Variants in C2CD3 observed in about 807,000 individuals in gnomAD.
The protein encoded by C2CD3 is C2 domain containing 3 centriole elongation regulator.
A neutral mutation model predicts 234.0 loss-of-function variants in C2CD3; 148 were observed. That is an observed-to-expected ratio of 0.63 (90% CI 0.55 to 0.72). The LOEUF (loss-of-function observed/expected upper bound fraction) is 0.72. Among genes scored for constraint, C2CD3 ranks in the 30% least tolerant of loss-of-function variants. The pLI is 0.00. For synonymous variants in C2CD3, 1,000 were observed against 1,035.4 expected, an observed-to-expected ratio of 0.97 and a Z score of 0.66; for missense variants, 2,577 against 2,811.5, an observed-to-expected ratio of 0.92 and a Z score of 1.89.
intron 24 of C2CD3, among the ~76,000 whole-genome samples, chr11:74,071,216 C>T (rs1214363395): frequency 1.3e-5 from 2 of 152,196 alleles, no homozygotes; most frequent in Non-Finnish European, 1.5e-5. Context: ...TGAGACATAA[C>T]GCCTCTCACA....
intron 3 of C2CD3, among the ~76,000 whole-genome samples, chr11:74,142,551 T>C (rs941983634): frequency 1.4e-4 from 22 of 152,046 alleles, no homozygotes; most frequent in Non-Finnish European, 2.5e-4. Flanking sequence ...CTAGGTGGTA[T>C]GGGAATGCTA....
Position 74,039,807 on chromosome 11 carries a change from G to A in C2CD3, c.5661-2109C>T, listed in dbSNP as rs538475418. Among the ~76,000 whole-genome samples the A allele has an allele frequency of 2.0e-5, 3 of 152,292 alleles. No homozygotes were observed. The South Asian group carries it at 6.2e-4, about 32-fold the overall frequency. ...AATATCTGACCAGAATGTCAATAGT[G>A]CCAAAGTTGAGAGAAACTACTCGAA... On this transcript the variant is annotated intron_variant, in intron 29 of 32. Coordinates refer to ENST00000334126, the MANE Select transcript of C2CD3 (RefSeq NM_001286577.2).
At chr11:74,101,836 A>G (rs1035476752) in intron 14 of C2CD3, among the ~76,000 whole-genome samples, 14 of 152,120 alleles carry the variant, frequency 9.2e-5, no homozygotes, top group African/African-American at 3.1e-4. Flanking sequence ...AGGCTGGAGA[A>G]GTACATACAG....
chr11:74,115,384 A>C (rs1214305728), intron 9 of C2CD3, among the ~76,000 whole-genome samples: 14 of 152,132 alleles, frequency 9.2e-5, no homozygotes, highest in Non-Finnish European at 1.6e-4. Flanking sequence ...TAATGTAACT[A>C]CTATTGTCAC....
At chr11:74,122,787 A>G (rs1957260770) in intron 8 of C2CD3, among the ~76,000 whole-genome samples, 1 of 152,232 alleles carries the variant, frequency 6.6e-6, no homozygotes, top group Admixed American at 6.5e-5. Context: ...CTTATTTGCT[A>G]TATGTTCTTG....
chr11:74,115,454 C>G (rs1407377838), intron 9 of C2CD3, among the ~76,000 whole-genome samples: 1 of 152,030 alleles, frequency 6.6e-6, no homozygotes, highest in African/African-American at 2.4e-5. Flanking sequence ...GTTGTGATCA[C>G]AGTACACATA....
intron 3 of C2CD3, among the ~76,000 whole-genome samples, chr11:74,148,444 A>AT (rs1411322468): frequency 6.6e-6 from 1 of 151,746 alleles, no homozygotes; most frequent in Non-Finnish European, 1.5e-5. Context: ...GTGTGTATAT[A>AT]AGATATATGT....
Position 74,095,419 on chromosome 11 carries a change from A to G in C2CD3, c.2980-11T>C. Reference sequence around the variant, plus strand: ...TCCTCGGTCCTCTGCCTATTAAATGAAACAGAAACACTGGTGAGCTTTAAA... The same window carrying G: ...TCCTCGGTCCTCTGCCTATTAAATGGAACAGAAACACTGGTGAGCTTTAAA... On this transcript the variant is annotated splice_polypyrimidine_tract_variant and intron_variant, in intron 16 of 32. Coordinates refer to ENST00000334126, the MANE Select transcript of C2CD3 (RefSeq NM_001286577.2). The G allele has an allele frequency of 1.2e-6, 2 of 1,603,694 alleles. No individual in the cohort carries two copies. The highest frequency in any genetic ancestry group is 1.7e-6 in the Non-Finnish European group (2 of 1,174,606).
chr11:74,091,890 A>T (rs1443224549), intron 19 of C2CD3, among the ~76,000 whole-genome samples: 17 of 152,088 alleles, frequency 1.1e-4, no homozygotes, highest in Admixed American at 1.1e-3. Context: ...GGCAGTGTAT[A>T]TTCTATACTC....
At chr11:74,144,544 T>C (rs1417910399) in intron 3 of C2CD3, among the ~76,000 whole-genome samples, 1 of 152,214 alleles carries the variant, frequency 6.6e-6, no homozygotes, top group Non-Finnish European at 1.5e-5. Context: ...ATTATTTCAT[T>C]ACCCAGGTAC....
chr11:74,051,948 T>C (rs549239014), intron 26 of C2CD3, among the ~76,000 whole-genome samples: 2 of 151,974 alleles, frequency 1.3e-5, no homozygotes, highest in South Asian at 2.1e-4. Context: ...ATGTGTTGAG[T>C]TTGTGTGGAA....
At chr11:74,117,294 C>T (rs1382030602) in intron 9 of C2CD3, among the ~76,000 whole-genome samples, 5 of 121,894 alleles carry the variant, frequency 4.1e-5, no homozygotes, top group South Asian at 2.5e-4. Context: ...AGTGAGACCC[C>T]GTCTCAAAAA....
chr11:74,135,214 A>C (rs1307339154), intron 5 of C2CD3, among the ~76,000 whole-genome samples: 5 of 152,174 alleles, frequency 3.3e-5, no homozygotes, highest in African/African-American at 1.2e-4. Flanking sequence ...CTAGTGATTC[A>C]AACACTTGTC....
intron 7 of C2CD3, among the ~76,000 whole-genome samples, chr11:74,130,414 G>A (rs1156251388): frequency 6.7e-6 from 1 of 148,732 alleles, no homozygotes; most frequent in Non-Finnish European, 1.5e-5. Flanking sequence ...TTTATTTTTT[G>A]TAGAGATGGG....
intron 8 of C2CD3, among the ~76,000 whole-genome samples, chr11:74,120,804 T>C (rs1275129451): frequency 6.6e-6 from 1 of 152,196 alleles, no homozygotes; most frequent in South Asian, 2.1e-4. Flanking sequence ...GTTTATCAGA[T>C]GGCTAAGAGC....
At chr11:74,108,904 A>ATAT (rs1374935209) in intron 12 of C2CD3, 130 bp downstream of exon 12, 1 of 417,196 alleles carries the variant, frequency 2.4e-6, no homozygotes, top group Non-Finnish European at 4.3e-6. Flanking sequence ...AATAATAATA[A>ATAT]TAATAATAAC....
intron 24 of C2CD3, among the ~76,000 whole-genome samples, chr11:74,071,523 G>C (rs1410667327): frequency 6.6e-6 from 1 of 152,098 alleles, no homozygotes; most frequent in Admixed American, 6.5e-5. Context: ...GTAACTTCAG[G>C]TCATTTTACC....
In C2CD3 at chr11:74,162,224, AAG is replaced by A. The variant is rs1222008776; in HGVS notation, c.326-670_326-669del. On this transcript the variant is annotated intron_variant, in intron 2 of 32. Transcript: ENST00000334126. ...AAATGGTGAAAAATAAAGTAATAAAAAGAATATAAGTAGCTCTATACTGATAT... is the reference window on the plus strand; with the variant it reads ...AAATGGTGAAAAATAAAGTAATAAAAAATATAAGTAGCTCTATACTGATAT... 3.3e-5 allele frequency among the ~76,000 whole-genome samples: 5 copies of A among 152,358 alleles called. No homozygotes were observed. In the South Asian group the frequency reaches 1.0e-3, roughly 32 times the overall value.
chr11:74,102,022 T>C (rs1298979898), intron 14 of C2CD3, among the ~76,000 whole-genome samples: 2 of 152,142 alleles, frequency 1.3e-5, no homozygotes, highest in African/African-American at 4.8e-5. Flanking sequence ...GAAACAGCTA[T>C]ACCAGTCTGA....
Sources: allele counts gnomAD v4.1 joint callset (sites outside exome capture counted in the v4.1 genomes callset), GRCh38; gene constraint gnomAD v4.1.1; transcripts MANE v1.5; gene names NCBI Gene and HGNC (gene_info 2026-07-23, HGNC 2026-07-21).